SLU7: variants seen among roughly 807,000 people sequenced by gnomAD.
SLU7 encodes pre-mRNA-splicing factor SLU7.
A neutral mutation model predicts 87.0 loss-of-function variants in SLU7; 60 were observed. That is an observed-to-expected ratio of 0.69 (90% CI 0.56 to 0.86). The LOEUF (loss-of-function observed/expected upper bound fraction) is 0.86, where lower values mean the gene tolerates loss of function less well. SLU7 is among the 40% of genes least tolerant of loss of function. The pLI is 0.00. For synonymous variants in SLU7, 197 were observed against 222.0 expected (o/e 0.89, Z 1.00); for missense variants, 507 against 686.6 (o/e 0.74, Z 2.92).
rs932540563 is a variant in SLU7 at position 160,404,230 on chromosome 5, G to A, written c.1581+210C>T. On this transcript the variant is annotated intron_variant, in intron 15 of 15. Transcript: ENST00000297151. ...AAATACAGAAATTAGCTGCACATGGGGGCATGTGCCTGTAATACCGGCTAC... is the reference window on the plus strand; with the variant it reads ...AAATACAGAAATTAGCTGCACATGGAGGCATGTGCCTGTAATACCGGCTAC... Among the ~76,000 whole-genome samples, 4 of 152,120 alleles carry A rather than the reference G, an allele frequency of 2.6e-5. No individual in the cohort carries two copies. In the East Asian group the frequency reaches 5.8e-4, roughly 22 times the overall value.
At chr5:160,415,887 G>T (rs1765432671) in intron 1 of SLU7, among the ~76,000 whole-genome samples, 1 of 151,546 alleles carries the variant, frequency 6.6e-6, no homozygotes, top group South Asian at 2.1e-4. Flanking sequence ...CATTCTCTTG[G>T]TTTTTCTTTT....
At chr5:160,410,791 T>C (rs1273447667) in intron 6 of SLU7, among the ~76,000 whole-genome samples, 2 of 152,256 alleles carry the variant, frequency 1.3e-5, no homozygotes, top group East Asian at 1.9e-4. Flanking sequence ...CTATGTGATA[T>C]GTATATAAGC....
chr5:160,405,926 TCTGA>T lies in SLU7; in HGVS notation c.1287+538_1287+541del, dbSNP rs1475816957. 6.6e-5 allele frequency among the ~76,000 whole-genome samples: 10 copies of T among 152,314 alleles called. 1 individual carries two copies. In the South Asian group the frequency reaches 1.4e-3, roughly 22 times the overall value. On this transcript the variant is annotated intron_variant, in intron 12 of 15. Transcript: ENST00000297151. ...CGATCAAAAGAAATTTGAAACGAAT[TCTGA>T]CTAAAACAAAAAATAGGTGTTAAAG... is the stretch of plus-strand genomic sequence containing the variant.
chr5:160,414,987 A>G, intron 2 of SLU7, 138 bp downstream of exon 2: 1 of 671,108 alleles, frequency 1.5e-6, no homozygotes, highest in South Asian at 2.2e-5. Context: ...AACCATATGC[A>G]TATGAGTTTG....
rs371843592 is a variant in SLU7 at position 160,406,482 on chromosome 5, T to C, written c.1273A>G (p.Ile425Val). Reference protein sequence around the residue: ...ACSKYEEDVKIHNHTHIWGSY... With the variant: ...ACSKYEEDVKVHNHTHIWGSY... ...TTAGCACATACTGTGTGATTGTGGA[T>C]CTTCACATCCTCCTCATACTTAGAG... The change falls in exon 12 of 16, where the codon ATC becomes GTC. Residue 425 changes from isoleucine (I) to valine (V), a missense_variant. Coordinates refer to ENST00000297151, the MANE Select transcript of SLU7 (RefSeq NM_006425.5). 14 of 1,609,268 alleles carry C rather than the reference T, an allele frequency of 8.7e-6. No individual in the cohort carries two copies. In the African/African-American group the frequency reaches 1.9e-4, roughly 22 times the overall value.
intron 1 of SLU7, among the ~76,000 whole-genome samples, chr5:160,415,849 A>G (rs868745591): frequency 6.6e-6 from 1 of 151,850 alleles, no homozygotes; most frequent in Non-Finnish European, 1.5e-5. Flanking sequence ...CCCTTTTTAT[A>G]TATTATGTCT....
chr5:160,404,811 C>G lies in SLU7; in HGVS notation c.1462G>C (p.Glu488Gln), dbSNP rs1178549115. 1 of 1,603,082 alleles carries G rather than the reference C, an allele frequency of 6.2e-7. No individual in the cohort carries two copies. Among genetic ancestry groups the G allele is most frequent in the South Asian group, 1.1e-5 (1 of 90,808 alleles). The change falls in exon 14 of 16, where the codon GAG becomes CAG. Residue 488 changes from glutamate (E) to glutamine (Q), a missense_variant and splice_region_variant. Glu to Gln is a conservative substitution (Grantham distance 29, BLOSUM62 2). Transcript: ENST00000297151. ...ESVKKPQTLM[E>Q]LHQEKLKEEK... ...AGGACAAATGATTATCAACTTACCT[C>G]CATGAGGGTTTGAGGTTTTTTCACA...
At chr5:160,406,082 T>C (rs1764997646) in intron 12 of SLU7, among the ~76,000 whole-genome samples, 1 of 152,242 alleles carries the variant, frequency 6.6e-6, no homozygotes, top group South Asian at 2.1e-4. Context: ...TAAGGAGATA[T>C]GTGATACAGC....
In SLU7 at chr5:160,408,039, G is replaced by A. The variant is rs1304508534; in HGVS notation, c.849C>T (p.Ala283=). 6.2e-7 allele frequency: 1 copy of A among 1,611,584 alleles called. No individual in the cohort carries two copies. The highest frequency in any genetic ancestry group is 2.2e-5 in the East Asian group (1 of 44,796). ...KYLRNLDPNS[A]YYDPKTRAMR... ...TTGCTCTAGTTTTTGGATCATAGTA[G>A]GCAGAATTTGGATCTAAATTCCTCA... Residue 283 remains alanine (A), a synonymous_variant, in exon 9 of 16, where the codon GCC becomes GCT. Transcript: ENST00000297151.
Position 160,406,519 on chromosome 5 carries a change from C to G in SLU7, c.1236G>C (p.Arg412=), listed in dbSNP as rs1209332563. ...CCTCATACTTAGAGCAGGCAACAGC[C>G]CGCTCCTGTCCTTTGATGACTGTCC... The part of the protein sequence containing the change: ...RHGTVIKGQE[R]AVACSKYEED... The change falls in exon 12 of 16, where the codon CGG becomes CGC. Residue 412 remains arginine (R), a synonymous_variant. Transcript: ENST00000297151. The G allele has an allele frequency of 1.2e-6, 2 of 1,613,660 alleles. No homozygotes were observed. Among genetic ancestry groups the G allele is most frequent in the Non-Finnish European group, 1.7e-6 (2 of 1,179,816 alleles).
In SLU7 at chr5:160,407,412, A is replaced by G. The variant is rs773055736; in HGVS notation, c.1125+64T>C. On this transcript the variant is annotated intron_variant, in intron 11 of 15. Coordinates refer to ENST00000297151, the MANE Select transcript of SLU7 (RefSeq NM_006425.5). The surrounding 1 kb of genome is among the most constrained non-coding windows in gnomAD (Gnocchi z 4.2). ...GCATTATTTTCCAAATGTAAAACTAACGCTTATTAACTAGTAACTTCTCTT... is the reference window on the plus strand; with the variant it reads ...GCATTATTTTCCAAATGTAAAACTAGCGCTTATTAACTAGTAACTTCTCTT... 1.4e-5 allele frequency: 20 copies of G among 1,428,786 alleles called. No individual in the cohort carries two copies. The highest frequency in any genetic ancestry group is 1.9e-5 in the Non-Finnish European group (20 of 1,046,678). The allele number at this position is 1,428,786 out of a possible 1,614,324, so 88.5% of individuals were successfully genotyped here. A position where few individuals can be genotyped will look rare whatever the true frequency, so the allele number is the denominator to read the frequency against.
chr5:160,403,310 G>A lies in SLU7; in HGVS notation c.1736C>T (p.Pro579Leu). 6.2e-7 allele frequency: 1 copy of A among 1,607,598 alleles called. No individual in the cohort carries two copies. The highest frequency in any genetic ancestry group is 8.5e-7 in the Non-Finnish European group (1 of 1,177,138). The change falls in exon 16 of 16, where the codon CCC (proline) becomes CTC (leucine). Residue 579 changes from proline to leucine, a missense_variant. Pro to Leu is a moderately conservative substitution (Grantham distance 98). This residue lies in a region of SLU7 where 201 missense variants were observed against 213.4 expected (regional missense o/e 0.94). Transcript: ENST00000297151. ...YRMKRQRPDD[P>L]MASFLGQ ...CTACTGTCCAAGGAAAGAGGCCATG[G>A]GGTCATCTGGCCTCTGACGTTTCAT... is the stretch of plus-strand genomic sequence containing the variant.
At chr5:160,413,179 A>C (rs532718090) in intron 5 of SLU7, among the ~76,000 whole-genome samples, 15 of 152,280 alleles carry the variant, frequency 9.9e-5, no homozygotes, top group African/African-American at 3.1e-4. Flanking sequence ...TTTGGACACT[A>C]ATCTGTCTTC....
In SLU7 at chr5:160,403,441, G is replaced by T; in HGVS notation, c.1605C>A (p.Arg535=). The T allele has an allele frequency of 6.2e-7, 1 of 1,610,502 alleles. No homozygotes were observed. The highest frequency in any genetic ancestry group is 8.5e-7 in the Non-Finnish European group (1 of 1,178,564). ...LKKALNAEEA[R]LLHVKETMQI... ...GCATGGTCTCCTTGACATGAAGAAG[G>T]CGGGCCTCCTCTGCGTTCAGTGCCT... Residue 535 remains arginine (R), a synonymous_variant, in exon 16 of 16, where the codon CGC becomes CGA. Transcript: ENST00000297151.
At chr5:160,416,262 GGCTC>G (rs1372798414) in intron 1 of SLU7, among the ~76,000 whole-genome samples, 1 of 152,042 alleles carries the variant, frequency 6.6e-6, no homozygotes, top group East Asian at 1.9e-4. Flanking sequence ...GATTCCTCAA[GGCTC>G]AGTCAGCACC....
rs970425580 is a variant in SLU7 at position 160,407,025 on chromosome 5, C to T, written c.1126-396G>A. On this transcript the variant is annotated intron_variant, in intron 11 of 15. Coordinates refer to ENST00000297151, the MANE Select transcript of SLU7 (RefSeq NM_006425.5). This position sits in a 1 kb window ranked among gnomAD's most constrained non-coding sequence, Gnocchi z 4.2. ...AAGCAAAGGCACTTATGTACCACAG[C>T]ACACTTTTTGCTGCCACTCTCTAGA... Among the ~76,000 whole-genome samples, 3 of 152,238 alleles carry T rather than the reference C, an allele frequency of 2.0e-5. No homozygotes were observed. Among genetic ancestry groups the T allele is most frequent in the African/African-American group, 7.2e-5 (3 of 41,462 alleles).
chr5:160,415,682 T>A (rs1257450997), intron 1 of SLU7, among the ~76,000 whole-genome samples: 1 of 152,224 alleles, frequency 6.6e-6, no homozygotes, highest in Non-Finnish European at 1.5e-5. Flanking sequence ...AAGAGTTATC[T>A]ATATTCACTG....
In SLU7 at chr5:160,404,905, G is replaced by C. The variant is rs781008252; in HGVS notation, c.1393-25C>G. 2.6e-6 allele frequency: 4 copies of C among 1,552,354 alleles called. No homozygotes were observed. In the Admixed American group the frequency reaches 6.7e-5, roughly 26 times the overall value. On this transcript the variant is annotated intron_variant, in intron 13 of 15. Transcript: ENST00000297151. The stretch of plus-strand genomic sequence containing the variant: ...TCTGTGGGAAATACATGTAATTTGA[G>C]TTGAGTGTCATAGTTACTAATCATC...
In SLU7 at chr5:160,407,691, T is replaced by A; in HGVS notation, c.985+55A>T. 1 of 1,602,088 alleles carries A rather than the reference T, an allele frequency of 6.2e-7. No homozygotes were observed. The highest frequency in any genetic ancestry group is 8.5e-7 in the Non-Finnish European group (1 of 1,174,356). On this transcript the variant is annotated intron_variant, in intron 10 of 15. Transcript: ENST00000297151. This position sits in a 1 kb window ranked among gnomAD's most constrained non-coding sequence, Gnocchi z 4.2. ...CTTCTTGAAAACAAGCTTTAAACAA[T>A]CCCAAACGTCTTATGAGCTGATATA...
Sources: gnomAD v4.1 joint callset for allele counts (sites outside exome capture counted in the v4.1 genomes callset) on GRCh38, gnomAD v4.1.1 for gene constraint, gnomAD v4.1.1 regional missense constraint, Gnocchi (gnomAD v3.1) non-coding constraint, MANE v1.5 for transcripts, NCBI Gene and HGNC (gene_info 2026-07-23, HGNC 2026-07-21) for gene names.